Variants in CMC1 observed in about 807,000 individuals in gnomAD.
The protein encoded by CMC1 is COX assembly mitochondrial protein homolog.
CMC1 carries 14 observed loss-of-function variants against 14.1 expected under a neutral mutation model. That is an observed-to-expected ratio of 0.99 (90% CI 0.66 to 1.55). CMC1 has a LOEUF of 1.55. CMC1 is among the 40% of genes most tolerant of loss of function. The pLI is 0.00. For missense variants in CMC1, 127 were observed against 123.8 expected (o/e 1.03, Z -0.12); for synonymous variants, 50 against 38.4 (o/e 1.30, Z -1.12).
At chr3:28,312,067 A>G (rs1702664234) in intron 2 of CMC1, among the ~76,000 whole-genome samples, 2 of 152,350 alleles carry the variant, frequency 1.3e-5, no homozygotes, top group East Asian at 3.9e-4. Flanking sequence ...GTTCTTTAAT[A>G]AACAAGATGT....
At position 28,309,121 on chromosome 3, in the gene CMC1, C is replaced by T. The variant is rs368557761; in HGVS notation, c.110-7212C>T. Among the ~76,000 whole-genome samples the T allele has an allele frequency of 2.8e-4, 42 of 152,090 alleles. 2 individuals are homozygous for T. The highest frequency in any genetic ancestry group is 1.2e-3 in the South Asian group (6 of 4,818). ...ATAGTCCTCTGTATTTTTCCAGTTT[C>T]TTCTTTTTCTCCTAGCGTTAAGTGT... On this transcript the variant is annotated intron_variant, in intron 2 of 3. Transcript: ENST00000466830.
At chr3:28,317,276 A>G (rs1361068570) in intron 3 of CMC1, 1 of 152,022 alleles carries the variant, frequency 6.6e-6, no homozygotes, top group Non-Finnish European at 1.5e-5. Context: ...GACTTTAGAG[A>G]TTATGTAAAC....
chr3:28,274,226 T>TC (rs1553615957), intron 2 of CMC1, among the ~76,000 whole-genome samples: 1 of 144,536 alleles, frequency 6.9e-6, no homozygotes, highest in East Asian at 2.2e-4. Flanking sequence ...TTTTCTTTTT[T>TC]TTTTTTTTTG....
intron 1 of CMC1, among the ~76,000 whole-genome samples, chr3:28,262,124 T>TAA (rs1312714802): frequency 6.6e-6 from 1 of 152,152 alleles, no homozygotes; most frequent in Admixed American, 6.6e-5. Flanking sequence ...TGAAGTTATT[T>TAA]CTCCATTGTC....
intron 2 of CMC1, among the ~76,000 whole-genome samples, chr3:28,293,647 T>C (rs1289816157): frequency 6.6e-6 from 1 of 152,190 alleles, no homozygotes; most frequent in Non-Finnish European, 1.5e-5. Flanking sequence ...AGTAGTGTGC[T>C]CTCGGCTCAC....
intron 1 of CMC1, among the ~76,000 whole-genome samples, chr3:28,259,276 T>G (rs1699599591): frequency 6.6e-6 from 1 of 152,148 alleles, no homozygotes; most frequent in Non-Finnish European, 1.5e-5. Context: ...GTGTGATAAC[T>G]GCCTTCAAAA....
rs755570632 is a variant in CMC1, at chr3:28,319,513, A to G, written c.205A>G (p.Asn69Asp). The G allele has an allele frequency of 6.3e-7, 1 of 1,596,926 alleles. No homozygotes were observed. Among genetic ancestry groups the G allele is most frequent in the Admixed American group, 1.7e-5 (1 of 58,762 alleles). ...ALKECLTAYYNDPAFYEECKM... is the reference protein window; with the variant it reads ...ALKECLTAYYDDPAFYEECKM... ...ATTTTCATTTCCTTCTCATAGCTAT[A>G]ATGATCCAGCCTTTTATGAAGAATG... Residue 69 changes from asparagine (N) to aspartate (D), a missense_variant, in exon 4 of 4, where the codon AAT becomes GAT. By Grantham distance (23) the Asn-to-Asp change is conservative (BLOSUM62 1). Transcript: ENST00000466830.
At chr3:28,310,261 CT>C (rs1381315912) in intron 2 of CMC1, among the ~76,000 whole-genome samples, 1 of 152,188 alleles carries the variant, frequency 6.6e-6, no homozygotes, top group African/African-American at 2.4e-5. Context: ...GATTACTTGT[CT>C]TCCTCAGGGA....
intron 2 of CMC1, among the ~76,000 whole-genome samples, chr3:28,287,660 A>G (rs903622576): frequency 1.3e-5 from 2 of 151,970 alleles, no homozygotes; most frequent in Admixed American, 1.3e-4. Flanking sequence ...CCTTCGAAAG[A>G]TGCTATAAAC....
At chr3:28,301,662 G>A (rs1702056179) in intron 2 of CMC1, among the ~76,000 whole-genome samples, 1 of 151,546 alleles carries the variant, frequency 6.6e-6, no homozygotes, top group Non-Finnish European at 1.5e-5. Flanking sequence ...AGATGCTAAT[G>A]TTTTTTAAGC....
At chr3:28,260,446 T>C (rs1404162959) in intron 1 of CMC1, among the ~76,000 whole-genome samples, 1 of 152,120 alleles carries the variant, frequency 6.6e-6, no homozygotes, top group African/African-American at 2.4e-5. Context: ...ATTCCCTTAT[T>C]ATTTAAAAAT....
chr3:28,308,024 C>A lies in CMC1; in HGVS notation c.110-8309C>A, dbSNP rs567463027. On this transcript the variant is annotated intron_variant, in intron 2 of 3. Transcript: ENST00000466830. Reference sequence around the variant, plus strand: ...CTCATCTCTTTTCTCCTGTTCTCTTCCGCATCTGTCTTTCACTTTTAAAGA... The same window carrying A: ...CTCATCTCTTTTCTCCTGTTCTCTTACGCATCTGTCTTTCACTTTTAAAGA... Among the ~76,000 whole-genome samples, 9 of 152,328 alleles carry A rather than the reference C, an allele frequency of 5.9e-5. No individual in the cohort carries two copies. The South Asian group carries it at 1.9e-3, about 32-fold the overall frequency.
intron 1 of CMC1, chr3:28,253,607 C>G: frequency 1.4e-5 from 5 of 368,866 alleles, no homozygotes; most frequent in South Asian, 2.6e-5. Context: ...AACCAAAAAA[C>G]CCCCCAAAAA....
At chr3:28,276,901 C>T (rs1016731336) in intron 2 of CMC1, among the ~76,000 whole-genome samples, 14 of 152,080 alleles carry the variant, frequency 9.2e-5, no homozygotes, top group Non-Finnish European at 1.6e-4. Flanking sequence ...TGCTTTGAAG[C>T]GTAATGTACA....
chr3:28,299,530 T>C (rs980008991), intron 2 of CMC1, among the ~76,000 whole-genome samples: 1 of 152,108 alleles, frequency 6.6e-6, no homozygotes, highest in Non-Finnish European at 1.5e-5. Flanking sequence ...CTTGTCTCAT[T>C]AAATGCACCA....
chr3:28,263,069 A>G (rs962224515), intron 1 of CMC1: 2 of 448,930 alleles, frequency 4.5e-6, no homozygotes, highest in South Asian at 2.9e-5. Context: ...CAGAAATTTT[A>G]AGAAACATGT....
At chr3:28,245,985 G>A (rs960770335) in intron 1 of CMC1, among the ~76,000 whole-genome samples, 1 of 151,826 alleles carries the variant, frequency 6.6e-6, no homozygotes. Context: ...TCACCATGTC[G>A]CTTAGGCTGC....
intron 2 of CMC1, among the ~76,000 whole-genome samples, chr3:28,286,145 G>C (rs552334104): frequency 6.6e-6 from 1 of 152,164 alleles, no homozygotes; most frequent in African/African-American, 2.4e-5. Context: ...ATTAAAAAAG[G>C]CTGAATCTAA....
chr3:28,321,866 A>G lies in CMC1; in HGVS notation c.*2237A>G, dbSNP rs1703198497. Reference sequence around the variant, plus strand: ...AGGAAGGAATAGGTGGCTTTTTGTTATGTTTTCTTCATTCTGTCGATTTAT... The same window carrying G: ...AGGAAGGAATAGGTGGCTTTTTGTTGTGTTTTCTTCATTCTGTCGATTTAT... On this transcript the variant is annotated 3_prime_UTR_variant, in exon 4 of 4. Coordinates refer to ENST00000466830, the MANE Select transcript of CMC1 (RefSeq NM_182523.2). The G allele has an allele frequency of 6.6e-6, 1 of 151,372 alleles. No homozygotes were observed. Among genetic ancestry groups the G allele is most frequent in the Non-Finnish European group, 1.5e-5 (1 of 67,518 alleles). 9.4% of individuals were successfully genotyped at this position (151,372 alleles called of 1,614,324 possible). A position where few individuals can be genotyped will look rare whatever the true frequency, so the allele number is the denominator to read the frequency against.
Sources: gnomAD v4.1 joint callset for allele counts (sites outside exome capture counted in the v4.1 genomes callset) on GRCh38, gnomAD v4.1.1 for gene constraint, MANE v1.5 for transcripts, NCBI Gene and HGNC (gene_info 2026-07-23, HGNC 2026-07-21) for gene names.